BAZ2B: variants seen among roughly 807,000 people sequenced by gnomAD.
BAZ2B encodes bromodomain adjacent to zinc finger domain protein 2B.
BAZ2B carries 91 observed loss-of-function variants against 246.0 expected under a neutral mutation model. The observed-to-expected ratio is 0.37, with a 90% CI of 0.31 to 0.44. BAZ2B has a LOEUF of 0.44. BAZ2B is among the 20% of genes least tolerant of loss of function. The pLI is 1.00. For missense variants in BAZ2B, 2,332 were observed against 2,533.7 expected (o/e 0.92, Z 1.71); for synonymous variants, 855 against 860.0 (o/e 0.99, Z 0.10).
the BAZ2B span, among the ~76,000 whole-genome samples, chr2:159,664,801 C>A: frequency 7.7e-6 from 1 of 130,028 alleles, no homozygotes; most frequent in Non-Finnish European, 1.6e-5. Context: ...GAGTAGGTTG[C>A]GAAAATTTTC....
intron 1 of BAZ2B, among the ~76,000 whole-genome samples, chr2:159,591,743 C>G (rs2078027073): frequency 6.6e-6 from 1 of 152,142 alleles, no homozygotes. Context: ...CCAGAAATCA[C>G]CAAATGTCCA....
At chr2:159,561,096 T>C (rs1381123752) in intron 1 of BAZ2B, among the ~76,000 whole-genome samples, 1 of 152,196 alleles carries the variant, frequency 6.6e-6, no homozygotes, top group East Asian at 1.9e-4. Flanking sequence ...ATATGGTTTG[T>C]TTGTACCCAC....
the BAZ2B span, among the ~76,000 whole-genome samples, chr2:159,640,247 A>G: frequency 1.3e-5 from 2 of 152,116 alleles, no homozygotes; most frequent in Non-Finnish European, 2.9e-5. Context: ...TTCCAATACG[A>G]TAATAGTGAA....
chr2:159,621,152 TA>T (rs1473990024), upstream of BAZ2B, among the ~76,000 whole-genome samples: 2 of 152,182 alleles, frequency 1.3e-5, no homozygotes, highest in African/African-American at 4.8e-5. Flanking sequence ...AAACAAATCA[TA>T]AAGTAGTCTG....
intron 1 of BAZ2B, among the ~76,000 whole-genome samples, chr2:159,570,936 C>T (rs1171785693): frequency 6.6e-6 from 1 of 152,182 alleles, no homozygotes; most frequent in African/African-American, 2.4e-5. Context: ...TCACTGCAAC[C>T]TCCTCCTCCT....
At position 159,324,834 on chromosome 2, in the gene BAZ2B, A is replaced by T; in HGVS notation, c.6330T>A (p.Ile2110=). Reference sequence around the variant, plus strand: ...ACTGTCCACTACTTAGTTTCTCTCTAATTGTGGAAAAATCCATAGGCTTCT... The same window carrying T: ...ACTGTCCACTACTTAGTTTCTCTCTTATTGTGGAAAAATCCATAGGCTTCT... ...VIKKPMDFST[I]REKLSSGQYP... Residue 2110 remains isoleucine, a synonymous_variant, in exon 36 of 37, where the codon ATT becomes ATA. Coordinates refer to ENST00000392783, the MANE Select transcript of BAZ2B (RefSeq NM_013450.4). 1 of 1,507,346 alleles carries T rather than the reference A, an allele frequency of 6.6e-7. No individual in the cohort carries two copies. The allele number at this position is 1,507,346 out of a possible 1,614,324, so 93.4% of individuals were successfully genotyped here.
intron 3 of BAZ2B, among the ~76,000 whole-genome samples, chr2:159,472,957 G>A (rs571629601): frequency 7.9e-5 from 12 of 152,160 alleles, no homozygotes; most frequent in African/African-American, 1.4e-4. Context: ...TTTTTTTGTC[G>A]TGTCTCTGCC....
intron 31 of BAZ2B, among the ~76,000 whole-genome samples, chr2:159,343,747 C>T: frequency 6.6e-6 from 1 of 152,188 alleles, no homozygotes; most frequent in African/African-American, 2.4e-5. Flanking sequence ...AAAAAAACGG[C>T]CGGGCGCCGT....
At chr2:159,587,146 T>C (rs1204795197) in intron 1 of BAZ2B, among the ~76,000 whole-genome samples, 1 of 151,624 alleles carries the variant, frequency 6.6e-6, no homozygotes, top group Non-Finnish European at 1.5e-5. Flanking sequence ...TGGCGCAATC[T>C]CGGCTCACTG....
chr2:159,501,139 T>TATA (rs1222845375), intron 2 of BAZ2B, among the ~76,000 whole-genome samples: 1 of 26,732 alleles, frequency 3.7e-5, no homozygotes, highest in African/African-American at 8.4e-5. Context: ...TATATATATT[T>TATA]TATATATATA....
At position 159,405,193 on chromosome 2, in the gene BAZ2B, T is replaced by A; in HGVS notation, c.2678-79A>T. 1 of 1,240,650 alleles carries A rather than the reference T, an allele frequency of 8.1e-7. No individual in the cohort carries two copies. The highest frequency in any genetic ancestry group is 1.2e-6 in the Non-Finnish European group (1 of 858,492). The allele number at this position is 1,240,650 out of a possible 1,614,324, so 76.9% of individuals were successfully genotyped here. A position where few individuals can be genotyped will look rare whatever the true frequency, so the allele number is the denominator to read the frequency against. Reference sequence around the variant, plus strand: ...AAAAACAATAACTGTGTGAAAATGGTATCATCATAAAGGATATAATTATTA... The same window carrying A: ...AAAAACAATAACTGTGTGAAAATGGAATCATCATAAAGGATATAATTATTA... On this transcript the variant is annotated intron_variant, in intron 14 of 36. Transcript: ENST00000392783.
chr2:159,642,529 G>A, the BAZ2B span, among the ~76,000 whole-genome samples: 103 of 152,050 alleles, frequency 6.8e-4, no homozygotes, highest in African/African-American at 2.2e-3. Context: ...GTAAGCCAGC[G>A]TGCCCAGCCA....
chr2:159,457,075 CAG>C, intron 3 of BAZ2B, among the ~76,000 whole-genome samples: 1 of 152,198 alleles, frequency 6.6e-6, no homozygotes, highest in South Asian at 2.1e-4. Context: ...TTACAAAACA[CAG>C]ATAGTAATTC....
At chr2:159,549,038 T>C (rs2087757990) in intron 2 of BAZ2B, among the ~76,000 whole-genome samples, 1 of 151,982 alleles carries the variant, frequency 6.6e-6, no homozygotes, top group East Asian at 1.9e-4. Flanking sequence ...CCAGCACTTA[T>C]GGGAGGCCGA....
intron 14 of BAZ2B, among the ~76,000 whole-genome samples, chr2:159,411,434 C>T (rs2066821714): frequency 6.6e-6 from 1 of 152,120 alleles, no homozygotes; most frequent in Admixed American, 6.5e-5. Flanking sequence ...TTATACATTT[C>T]CTCCACATTT....
chr2:159,353,232 C>A (rs1448822684), intron 27 of BAZ2B, among the ~76,000 whole-genome samples: 2 of 152,190 alleles, frequency 1.3e-5, no homozygotes, highest in Admixed American at 6.5e-5. Flanking sequence ...GAAATTAAAT[C>A]CCTATACATC....
At chr2:159,594,581 C>A (rs1690188531) in intron 1 of BAZ2B, among the ~76,000 whole-genome samples, 2 of 151,796 alleles carry the variant, frequency 1.3e-5, no homozygotes, top group South Asian at 4.1e-4. Flanking sequence ...AAGTTTACAA[C>A]ATGAAACAGA....
At position 159,374,581 on chromosome 2, in the gene BAZ2B, T is replaced by G. The variant is rs901589674; in HGVS notation, c.4068+110A>C. ...GCTATTCAGAATCTTCATTTTTAAT[T>G]ACTCACCAAAAGCCTATTTTTGCTT... is the stretch of plus-strand genomic sequence containing the variant. On this transcript the variant is annotated intron_variant, in intron 26 of 36. Coordinates refer to ENST00000392783, the MANE Select transcript of BAZ2B (RefSeq NM_013450.4). 4 of 830,842 alleles carry G rather than the reference T, an allele frequency of 4.8e-6. No individual in the cohort carries two copies. In the African/African-American group the frequency reaches 6.9e-5, roughly 14 times the overall value. The allele number at this position is 830,842 out of a possible 1,614,324, so 51.5% of individuals were successfully genotyped here.
intron 1 of BAZ2B, among the ~76,000 whole-genome samples, chr2:159,578,516 C>T (rs1472269415): frequency 2.6e-5 from 4 of 151,974 alleles, no homozygotes; most frequent in African/African-American, 7.2e-5. Context: ...GACAGATCAA[C>T]GAGACAAAAA....
Sources: gnomAD v4.1 joint callset for allele counts (sites outside exome capture counted in the v4.1 genomes callset) on GRCh38, gnomAD v4.1.1 for gene constraint, MANE v1.5 for transcripts, NCBI Gene and HGNC (gene_info 2026-07-23, HGNC 2026-07-21) for gene names.